Variants in FGGY observed in about 807,000 individuals in gnomAD.
FGGY encodes FGGY carbohydrate kinase domain containing.
A neutral mutation model predicts 71.3 loss-of-function variants in FGGY; 72 were observed. The observed-to-expected ratio is 1.01, with a 90% CI of 0.84 to 1.23. FGGY has a LOEUF of 1.23. Ranked by LOEUF, FGGY falls within the 50% of genes most tolerant of loss-of-function variation. The pLI is 0.00. For synonymous variants in FGGY, 251 were observed against 250.3 expected (o/e 1.00, Z -0.02); for missense variants, 668 against 682.3 (o/e 0.98, Z 0.23).
At chr1:59,382,659 C>G (rs1157804160) in intron 5 of FGGY, among the ~76,000 whole-genome samples, 1 of 152,104 alleles carries the variant, frequency 6.6e-6, no homozygotes, top group Non-Finnish European at 1.5e-5. Flanking sequence ...CATCATTGTA[C>G]ATCCGTGAAA....
chr1:59,490,708 T>G (rs978208426), intron 6 of FGGY, among the ~76,000 whole-genome samples: 1 of 152,044 alleles, frequency 6.6e-6, no homozygotes, highest in Non-Finnish European at 1.5e-5. Context: ...AGAGTAAGAG[T>G]TGGGAGTCTA....
chr1:59,594,363 G>A (rs2096494053), intron 8 of FGGY, among the ~76,000 whole-genome samples: 1 of 152,220 alleles, frequency 6.6e-6, no homozygotes, highest in African/African-American at 2.4e-5. Flanking sequence ...AAGGCAGTAT[G>A]TAGGGTTTGT....
intron 14 of FGGY, among the ~76,000 whole-genome samples, chr1:59,674,750 AG>A (rs1449391741): frequency 3.9e-5 from 6 of 152,170 alleles, no homozygotes; most frequent in Non-Finnish European, 7.3e-5. Context: ...TTCTGGTGAG[AG>A]GGAAAACTTT....
At chr1:59,544,338 T>G (rs2095489705) in intron 7 of FGGY, among the ~76,000 whole-genome samples, 1 of 152,116 alleles carries the variant, frequency 6.6e-6, no homozygotes, top group Non-Finnish European at 1.5e-5. Flanking sequence ...GGTAATAAAC[T>G]GGGGAACTTA....
chr1:59,438,230 T>G (rs189806662), intron 5 of FGGY, among the ~76,000 whole-genome samples: 2 of 152,336 alleles, frequency 1.3e-5, no homozygotes, highest in South Asian at 2.1e-4. Flanking sequence ...ACATAACAAG[T>G]GGCAGGGCTG....
chr1:59,446,789 G>A (rs2071372300), intron 5 of FGGY, among the ~76,000 whole-genome samples: 1 of 152,190 alleles, frequency 6.6e-6, no homozygotes. Context: ...GACTCTCCAG[G>A]TTCAGCCTTC....
intron 8 of FGGY, among the ~76,000 whole-genome samples, chr1:59,562,056 G>T (rs1394858128): frequency 6.6e-6 from 1 of 152,194 alleles, no homozygotes; most frequent in Non-Finnish European, 1.5e-5. Context: ...TGGTGGGAAT[G>T]TAAAATGATG....
At chr1:59,374,764 T>G (rs1188457770) in intron 4 of FGGY, among the ~76,000 whole-genome samples, 1 of 151,990 alleles carries the variant, frequency 6.6e-6, no homozygotes, top group East Asian at 1.9e-4. Context: ...TGTAGGGGCA[T>G]GGATGAAATT....
intron 8 of FGGY, among the ~76,000 whole-genome samples, chr1:59,568,309 C>G (rs1052633016): frequency 6.6e-6 from 1 of 152,116 alleles, no homozygotes; most frequent in Admixed American, 6.5e-5. Flanking sequence ...AGCCTGTGCT[C>G]TCTTATTCAT....
At chr1:59,464,609 T>C (rs2092488981) in intron 6 of FGGY, among the ~76,000 whole-genome samples, 1 of 151,742 alleles carries the variant, frequency 6.6e-6, no homozygotes, top group Admixed American at 6.6e-5. Context: ...ATCAACAAAA[T>C]TGATAGACTG....
At chr1:59,594,928 A>G (rs1439707098) in intron 8 of FGGY, among the ~76,000 whole-genome samples, 1 of 152,186 alleles carries the variant, frequency 6.6e-6, no homozygotes, top group African/African-American at 2.4e-5. Context: ...TCTTGAGAAT[A>G]CCCCTGGGCA....
chr1:59,596,210 A>C (rs990170595), intron 8 of FGGY, among the ~76,000 whole-genome samples: 1 of 151,832 alleles, frequency 6.6e-6, no homozygotes, highest in African/African-American at 2.4e-5. Flanking sequence ...TTTTTTTAAC[A>C]TGAGGCTCAC....
At chr1:59,496,055 T>G (rs1441909446) in intron 6 of FGGY, among the ~76,000 whole-genome samples, 3 of 152,206 alleles carry the variant, frequency 2.0e-5, no homozygotes, top group Non-Finnish European at 1.5e-5. Flanking sequence ...TAGCATTGAA[T>G]CTGTAAATTA....
chr1:59,721,337 G>GTTT lies in FGGY; in HGVS notation c.1513-36577_1513-36575dup, dbSNP rs71046339. ...AGAGAGTTTTTCTTTTCTTTCCTTT[G>GTTT]TTTTTTTTTTTTTTTTTTTGAGACG... On this transcript the variant is annotated intron_variant, in intron 14 of 15. Transcript: ENST00000303721. Among the ~76,000 whole-genome samples the GTTT allele has an allele frequency of 6.2e-3, 655 of 105,330 alleles. 72 individuals are homozygous for GTTT. The highest frequency in any genetic ancestry group is 0.019 in the Middle Eastern group (3 of 162). The allele number at this position is 105,330 out of a possible 152,430, so 69.1% of individuals were successfully genotyped here. A position where few individuals can be genotyped will look rare whatever the true frequency, so the allele number is the denominator to read the frequency against.
intron 2 of FGGY, among the ~76,000 whole-genome samples, chr1:59,329,799 A>G (rs943201462): frequency 6.6e-6 from 1 of 152,248 alleles, no homozygotes; most frequent in Non-Finnish European, 1.5e-5. Context: ...TTAAATTTAT[A>G]GTAATTACAA....
intron 6 of FGGY, among the ~76,000 whole-genome samples, chr1:59,471,551 A>G: frequency 6.6e-6 from 1 of 152,182 alleles, no homozygotes; most frequent in East Asian, 1.9e-4. Flanking sequence ...ACTTGAAGGC[A>G]AGTACCTATC....
intron 14 of FGGY, among the ~76,000 whole-genome samples, chr1:59,724,996 T>C (rs1258393020): frequency 6.6e-6 from 1 of 152,218 alleles, no homozygotes; most frequent in Non-Finnish European, 1.5e-5. Context: ...ATTTTTTTCA[T>C]GGATTATGCT....
At chr1:59,451,590 A>C (rs914802651) in intron 5 of FGGY, among the ~76,000 whole-genome samples, 3 of 152,122 alleles carry the variant, frequency 2.0e-5, no homozygotes, top group African/African-American at 7.2e-5. Context: ...AAAGGGTCTC[A>C]GTGTCTACTG....
chr1:59,364,045 C>T (rs1205208229), intron 4 of FGGY, among the ~76,000 whole-genome samples: 1 of 152,178 alleles, frequency 6.6e-6, no homozygotes, highest in African/African-American at 2.4e-5. Context: ...CTGTCCTTTA[C>T]GGGTTGGAGA....
Sources: allele counts gnomAD v4.1 joint callset (sites outside exome capture counted in the v4.1 genomes callset), GRCh38; gene constraint gnomAD v4.1.1; transcripts MANE v1.5; gene names NCBI Gene and HGNC (gene_info 2026-07-23, HGNC 2026-07-21).